Variants in FAT1 observed in about 807,000 individuals in gnomAD.
The protein encoded by FAT1 is FAT atypical cadherin 1.
In FAT1, 171 loss-of-function variants were observed where a neutral mutation model predicts 329.8. The observed-to-expected ratio is 0.52, with a 90% CI of 0.46 to 0.59. FAT1 has a LOEUF of 0.59. Ranked by LOEUF, FAT1 falls within the 20% of genes least tolerant of loss-of-function variation. The pLI is 0.00. For missense variants in FAT1, 5,672 were observed against 5,774.4 expected (o/e 0.98, Z 0.57); for synonymous variants, 2,233 against 2,228.6 (o/e 1.00, Z -0.06).
chr4:186,660,744 G>A (rs1464483532), intron 3 of FAT1, among the ~76,000 whole-genome samples: 1 of 152,138 alleles, frequency 6.6e-6, no homozygotes, highest in Non-Finnish European at 1.5e-5. Flanking sequence ...AAAGGGAGAG[G>A]CAATGCCATA....
chr4:186,633,610 T>C, intron 7 of FAT1, 74 bp downstream of exon 7: 7 of 1,540,726 alleles, frequency 4.5e-6, no homozygotes, highest in Non-Finnish European at 6.3e-6. Flanking sequence ...ACCGCTCATA[T>C]TGCCCGTGGA....
intron 3 of FAT1, among the ~76,000 whole-genome samples, chr4:186,660,309 A>C (rs1742110121): frequency 6.6e-6 from 1 of 152,164 alleles, no homozygotes; most frequent in African/African-American, 2.4e-5. Flanking sequence ...TCACACCCCA[A>C]CTTTCTGCTG....
At chr4:186,605,956 T>G in intron 17 of FAT1, 114 bp downstream of exon 17, 1 of 985,980 alleles carries the variant, frequency 1.0e-6, no homozygotes, top group Non-Finnish European at 1.5e-6. Context: ...TCTTGAATTC[T>G]ACGTTTCCCA....
intron 2 of FAT1, among the ~76,000 whole-genome samples, chr4:186,682,311 G>A (rs1426930151): frequency 6.6e-6 from 1 of 152,152 alleles, no homozygotes; most frequent in Non-Finnish European, 1.5e-5. Flanking sequence ...TGGATCACCT[G>A]AGGTCAGGAG....
chr4:186,644,298 T>C (rs1309596443), intron 3 of FAT1, among the ~76,000 whole-genome samples: 1 of 152,242 alleles, frequency 6.6e-6, no homozygotes, highest in African/African-American at 2.4e-5. Flanking sequence ...AGTTAGGAGA[T>C]AAAAGAGGCA....
intron 1 of FAT1, among the ~76,000 whole-genome samples, chr4:186,714,740 C>A (rs1245583791): frequency 6.6e-6 from 1 of 152,208 alleles, no homozygotes; most frequent in Non-Finnish European, 1.5e-5. Context: ...GATTTTTCTA[C>A]AGCTGAAGCC....
intron 2 of FAT1, among the ~76,000 whole-genome samples, chr4:186,690,671 C>T (rs1743713844): frequency 6.6e-6 from 1 of 151,666 alleles, no homozygotes; most frequent in Non-Finnish European, 1.5e-5. Flanking sequence ...GCCTGGGCGA[C>T]AGAGTGAGAC....
rs1277289648 is a variant in FAT1 at position 186,706,590 on chromosome 4, C to G, written c.3238G>C (p.Gly1080Arg). Residue 1080 changes from glycine (G) to arginine (R), a missense_variant, in exon 2 of 27, where the codon GGT (glycine) becomes CGT (arginine). Around this residue, in one of 2 missense-constraint regions of FAT1, gnomAD observed 3,966 missense variants for 3,915.2 expected, o/e 1.01. Coordinates refer to ENST00000441802, the MANE Select transcript of FAT1 (RefSeq NM_005245.4). Reference protein sequence around the residue: ...RYSIRDGSGVGVFKIGEETGV... With the variant: ...RYSIRDGSGVRVFKIGEETGV... ...GTCTCTTCACCTATTTTGAAAACACCAACGCCAGAGCCATCTCTAATGGAG... is the reference window on the plus strand; with the variant it reads ...GTCTCTTCACCTATTTTGAAAACACGAACGCCAGAGCCATCTCTAATGGAG... The G allele has an allele frequency of 6.2e-7, 1 of 1,609,838 alleles. No homozygotes were observed. Among genetic ancestry groups the G allele is most frequent in the East Asian group, 2.2e-5 (1 of 44,756 alleles).
At chr4:186,662,652 C>G (rs1396613472) in intron 3 of FAT1, among the ~76,000 whole-genome samples, 1 of 152,134 alleles carries the variant, frequency 6.6e-6, no homozygotes, top group Admixed American at 6.5e-5. Flanking sequence ...AAAAAGCCGA[C>G]TTAGGACAAT....
intron 12 of FAT1, 23 bp from the exon 13 acceptor site, chr4:186,613,365 T>TC: frequency 6.4e-7 from 1 of 1,558,860 alleles, no homozygotes; most frequent in Non-Finnish European, 8.9e-7. Flanking sequence ...ACAAATGGAC[T>TC]CACTTGTAAT....
chr4:186,618,251 G>C lies in FAT1; in HGVS notation c.8335C>G (p.Leu2779Val), dbSNP rs1739820356. The C allele has an allele frequency of 2.5e-6, 4 of 1,614,036 alleles. No individual in the cohort carries two copies. Among genetic ancestry groups the C allele is most frequent in the East Asian group, 2.2e-5 (1 of 44,880 alleles). The change falls in exon 10 of 27, where the codon CTG (leucine) becomes GTG (valine). Residue 2779 changes from leucine (L) to valine (V), a missense_variant. This residue lies in a region of FAT1 where 3,966 missense variants were observed against 3,915.2 expected (regional missense o/e 1.01). Transcript: ENST00000441802. ...ETTKWYQFSI[L>V]ARCTQDDHEM... ...TGGTCATCTTGAGTGCACCTGGCCA[G>C]TATGGAAAACTGATACCACTTAGTT...
intron 4 of FAT1, among the ~76,000 whole-genome samples, 156 bp downstream of exon 4, chr4:186,639,566 T>A (rs1255604470): frequency 6.6e-6 from 1 of 152,156 alleles, no homozygotes; most frequent in Non-Finnish European, 1.5e-5. Flanking sequence ...TCATTAACAA[T>A]TTCCTTATAT....
At chr4:186,697,005 G>C (rs1242383934) in intron 2 of FAT1, among the ~76,000 whole-genome samples, 7 of 152,040 alleles carry the variant, frequency 4.6e-5, no homozygotes, top group Admixed American at 3.9e-4. Flanking sequence ...CTCTGGCCTT[G>C]GCAACAAAGC....
intron 2 of FAT1, among the ~76,000 whole-genome samples, chr4:186,684,530 G>A (rs752624453): frequency 5.3e-5 from 8 of 152,108 alleles, no homozygotes; most frequent in Non-Finnish European, 1.0e-4. Context: ...ACTGACGCTC[G>A]GCCCGTTTTC....
At position 186,620,220 on chromosome 4, in the gene FAT1, T is replaced by C. The variant is rs1328268710; in HGVS notation, c.6366A>G (p.Glu2122=). 6.2e-7 allele frequency: 1 copy of C among 1,613,932 alleles called. No homozygotes were observed. The highest frequency in any genetic ancestry group is 8.5e-7 in the Non-Finnish European group (1 of 1,179,906). Residue 2122 remains glutamate (E), a synonymous_variant, in exon 10 of 27, where the codon GAA becomes GAG. Transcript: ENST00000441802. ...GTCCAATTTGAAAGTGTTCATGATG[T>C]TCCTTGAGGTAGTAATGCACTTCCC... ...RNGEVHYYLK[E]HHEHFQIGPL... is the part of the protein sequence containing the mutation.
At chr4:186,590,273 C>T (rs1738171789) in intron 26 of FAT1, 4 of 705,544 alleles carry the variant, frequency 5.7e-6, no homozygotes, top group South Asian at 2.9e-5. Flanking sequence ...CTGCTGCAAA[C>T]ACTGGGCGAC....
intron 26 of FAT1, among the ~76,000 whole-genome samples, chr4:186,591,133 G>T (rs1031463436): frequency 3.3e-5 from 5 of 152,218 alleles, no homozygotes; most frequent in Non-Finnish European, 5.9e-5. Flanking sequence ...CTAACCTTCA[G>T]GTTCTCTCTT....
intron 3 of FAT1, among the ~76,000 whole-genome samples, chr4:186,640,640 T>C (rs1741046142): frequency 6.6e-6 from 1 of 152,240 alleles, no homozygotes; most frequent in Admixed American, 6.5e-5. Context: ...AGAAAATTAA[T>C]GATCCTCAAA....
Position 186,663,445 on chromosome 4 carries a change from T to C in FAT1, c.3434A>G (p.Tyr1145Cys). The C allele has an allele frequency of 4.3e-6, 7 of 1,614,032 alleles. No homozygotes were observed. The highest frequency in any genetic ancestry group is 5.9e-6 in the Non-Finnish European group (7 of 1,179,898). Residue 1145 changes from tyrosine (Y) to cysteine (C), a missense_variant, in exon 3 of 27, where the codon TAC becomes TGC. By Grantham distance (194) the Tyr-to-Cys change is radical (BLOSUM62 -2). Coordinates refer to ENST00000441802, the MANE Select transcript of FAT1 (RefSeq NM_005245.4). ...NAPQTSEPVY[Y>C]PEIMENSPKD... ...AGGAGAATTTTCCATGATTTCTGGGTAATAAACAGGCTCTGATGTCTGTGG... is the reference window on the plus strand; with the variant it reads ...AGGAGAATTTTCCATGATTTCTGGGCAATAAACAGGCTCTGATGTCTGTGG...
Sources: gnomAD v4.1 joint callset for allele counts (sites outside exome capture counted in the v4.1 genomes callset) on GRCh38, gnomAD v4.1.1 for gene constraint, gnomAD v4.1.1 regional missense constraint, MANE v1.5 for transcripts, NCBI Gene and HGNC (gene_info 2026-07-23, HGNC 2026-07-21) for gene names.